The following DYM variants were observed in gnomAD, a reference collection of about 807,000 sequenced individuals.
DYM encodes the protein dyggve-Melchior-Clausen syndrome protein.
A neutral mutation model predicts 93.1 loss-of-function variants in DYM; 78 were observed. The observed-to-expected ratio is 0.84, with a 90% CI of 0.70 to 1.01. The LOEUF (loss-of-function observed/expected upper bound fraction) is 1.01, where lower values mean the gene tolerates loss of function less well. Among genes scored for constraint, DYM ranks in the 50% least tolerant of loss-of-function variants. The probability of loss-of-function intolerance (pLI) is 0.00; values close to 1 mark genes in which losing one functional copy is unlikely to be tolerated. For missense variants in DYM, 789 were observed against 845.0 expected (o/e 0.93, Z 0.82); for synonymous variants, 321 against 319.7 (o/e 1.00, Z -0.04).
chr18:49,370,197 G>A (rs1223614527), intron 5 of DYM, among the ~76,000 whole-genome samples: 1 of 150,326 alleles, frequency 6.7e-6, no homozygotes, highest in Non-Finnish European at 1.5e-5. Context: ...AGAATTGCAT[G>A]AACCTGGGAG....
chr18:49,127,328 A>T (rs763807498), intron 15 of DYM, among the ~76,000 whole-genome samples: 1 of 152,244 alleles, frequency 6.6e-6, no homozygotes, highest in Admixed American at 6.5e-5. Flanking sequence ...TAGTAATTTC[A>T]TATCAAATAG....
Position 49,040,374 on chromosome 18 carries a change from T to C in DYM, c.*3681A>G, listed in dbSNP as rs1258614221. On this transcript the variant is annotated 3_prime_UTR_variant, in exon 18 of 18. Coordinates refer to ENST00000675505, the MANE Select transcript of DYM (RefSeq NM_001353214.3). ...ACCTGGCCAAGGGTCTTGGGGCTAC[T>C]GGTGAGTCTCCCTTGCTTTGAGTGG... Among the ~76,000 whole-genome samples, 2 of 152,238 alleles carry C rather than the reference T, an allele frequency of 1.3e-5. No homozygotes were observed. Among genetic ancestry groups the C allele is most frequent in the African/African-American group, 2.4e-5 (1 of 41,466 alleles).
At chr18:49,316,361 T>C (rs2146464046) in intron 8 of DYM, among the ~76,000 whole-genome samples, 1 of 152,284 alleles carries the variant, frequency 6.6e-6, no homozygotes, top group East Asian at 1.9e-4. Context: ...AGAAAGGGAA[T>C]GTAAGTTTTC....
intron 11 of DYM, among the ~76,000 whole-genome samples, chr18:49,270,600 T>A (rs1249581951): frequency 1.3e-5 from 2 of 152,198 alleles, no homozygotes; most frequent in African/African-American, 4.8e-5. Context: ...GAGGTAACTA[T>A]GTGAGATGAT....
chr18:49,227,495 C>T (rs142119778), intron 13 of DYM, among the ~76,000 whole-genome samples: 251 of 152,204 alleles, frequency 1.6e-3, no homozygotes, highest in African/African-American at 5.6e-3. Context: ...GCCATTAAGT[C>T]ATTATCAGAA....
In DYM at chr18:49,258,821, C is replaced by CACAGAG. The variant is rs796581808; in HGVS notation, c.1252-329_1252-328insCTCTGT. On this transcript the variant is annotated intron_variant, in intron 11 of 17. Transcript: ENST00000675505. Reference sequence around the variant, plus strand: ...ACACACACACACACACACACACACACAGAGACACACACACACACAGAGAGA... The same window carrying CACAGAG: ...ACACACACACACACACACACACACACACAGAGAGAGACACACACACACACAGAGAGA... Among the ~76,000 whole-genome samples the CACAGAG allele has an allele frequency of 1.7e-3, 227 of 134,414 alleles. 4 individuals are homozygous for CACAGAG. The highest frequency in any genetic ancestry group is 5.5e-3 in the East Asian group (23 of 4,170). 88.2% of individuals were successfully genotyped at this position (134,414 alleles called of 152,430 possible).
At chr18:49,072,742 C>A (rs2076990369) in intron 17 of DYM, among the ~76,000 whole-genome samples, 1 of 152,218 alleles carries the variant, frequency 6.6e-6, no homozygotes, top group Non-Finnish European at 1.5e-5. Flanking sequence ...CCTGTCTTTG[C>A]TTATCATTGC....
intron 15 of DYM, among the ~76,000 whole-genome samples, chr18:49,137,935 T>A (rs1287192821): frequency 6.6e-6 from 1 of 152,202 alleles, no homozygotes; most frequent in Non-Finnish European, 1.5e-5. Context: ...TCAGTTAAAA[T>A]AGTTCTAAAA....
At chr18:49,219,980 G>A (rs996036079) in intron 13 of DYM, among the ~76,000 whole-genome samples, 11 of 150,470 alleles carry the variant, frequency 7.3e-5, no homozygotes, top group African/African-American at 2.2e-4. Context: ...GTTTGCAGAT[G>A]ACATGATTGT....
At chr18:49,069,673 T>G (rs868110080) in intron 17 of DYM, among the ~76,000 whole-genome samples, 1 of 152,352 alleles carries the variant, frequency 6.6e-6, no homozygotes, top group African/African-American at 2.4e-5. Context: ...GTTAGTGTAC[T>G]AACCTGTAGC....
intron 14 of DYM, among the ~76,000 whole-genome samples, chr18:49,189,640 C>T (rs745927025): frequency 6.6e-5 from 10 of 152,176 alleles, no homozygotes; most frequent in Non-Finnish European, 1.3e-4. Context: ...TAACCAGTGC[C>T]TCTTAGTTTA....
intron 14 of DYM, among the ~76,000 whole-genome samples, chr18:49,193,496 G>A (rs1204647594): frequency 6.6e-6 from 1 of 152,130 alleles, no homozygotes; most frequent in Non-Finnish European, 1.5e-5. Context: ...GAATAGTCAT[G>A]GAAAAATGCC....
intron 8 of DYM, among the ~76,000 whole-genome samples, chr18:49,325,208 A>C (rs1335979748): frequency 1.3e-5 from 2 of 152,180 alleles, no homozygotes; most frequent in East Asian, 3.9e-4. Context: ...AACACAGGGG[A>C]AACTATAGGA....
chr18:49,323,413 G>A (rs1246212025), intron 8 of DYM, among the ~76,000 whole-genome samples: 1 of 152,100 alleles, frequency 6.6e-6, no homozygotes, highest in Non-Finnish European at 1.5e-5. Flanking sequence ...CTTAATACCT[G>A]GTATGGACTG....
intron 16 of DYM, among the ~76,000 whole-genome samples, chr18:49,113,044 A>G (rs2081571084): frequency 6.6e-6 from 1 of 151,854 alleles, no homozygotes; most frequent in South Asian, 2.1e-4. Flanking sequence ...ATATATTGGG[A>G]TAAGAAAGAC....
chr18:49,341,092 C>T (rs2064081744), intron 6 of DYM, among the ~76,000 whole-genome samples: 1 of 152,210 alleles, frequency 6.6e-6, no homozygotes, highest in Non-Finnish European at 1.5e-5. Flanking sequence ...AACTAATCTA[C>T]ATTAATTTTC....
At chr18:49,420,609 T>A (rs550580417) in intron 2 of DYM, among the ~76,000 whole-genome samples, 2 of 152,098 alleles carry the variant, frequency 1.3e-5, no homozygotes, top group Non-Finnish European at 2.9e-5. Flanking sequence ...AGAAGACGGG[T>A]GATTTCTGCA....
chr18:49,197,844 T>G (rs968965133), intron 14 of DYM, among the ~76,000 whole-genome samples: 1 of 152,220 alleles, frequency 6.6e-6, no homozygotes, highest in African/African-American at 2.4e-5. Flanking sequence ...CCCATCAAGC[T>G]ACCAATGACC....
intron 2 of DYM, among the ~76,000 whole-genome samples, chr18:49,409,847 G>A (rs1406924465): frequency 6.6e-6 from 1 of 152,212 alleles, no homozygotes; most frequent in Non-Finnish European, 1.5e-5. Context: ...CAGTTTGCAA[G>A]TGAAATACTC....
Sources: allele counts gnomAD v4.1 joint callset (sites outside exome capture counted in the v4.1 genomes callset), GRCh38; gene constraint gnomAD v4.1.1; transcripts MANE v1.5; gene names NCBI Gene and HGNC (gene_info 2026-07-23, HGNC 2026-07-21).